Variants in LNX2 observed in about 807,000 individuals in gnomAD.
LNX2 encodes ligand of numb-protein X 2.
LNX2 carries 35 observed loss-of-function variants against 66.2 expected under a neutral mutation model. The ratio of observed to expected loss-of-function variants is 0.53; its 90% confidence interval spans 0.40 to 0.70. The LOEUF (loss-of-function observed/expected upper bound fraction) is 0.70, where lower values mean the gene tolerates loss of function less well. LNX2 is among the 30% of genes least tolerant of loss of function. The probability of loss-of-function intolerance (pLI) is 0.00; values close to 1 mark genes in which losing one functional copy is unlikely to be tolerated. For missense variants in LNX2, 791 were observed against 850.8 expected, an observed-to-expected ratio of 0.93 and a Z score of 0.87; for synonymous variants, 337 against 315.6, an observed-to-expected ratio of 1.07 and a Z score of -0.72.
intron 9 of LNX2, 142 bp from the exon 10 acceptor site, chr13:27,548,612 G>A: frequency 2.2e-6 from 2 of 927,406 alleles, no homozygotes; most frequent in Admixed American, 3.0e-5. Context: ...TACTTTGTCT[G>A]GGACAGCCCT....
chr13:27,581,192 T>C, intron 2 of LNX2, 105 bp downstream of exon 2: 1 of 797,296 alleles, frequency 1.3e-6, no homozygotes, highest in Non-Finnish European at 1.9e-6. Context: ...TTCACCCATT[T>C]ACTTACTAGT....
At chr13:27,573,737 T>C (rs192027962) in intron 2 of LNX2, among the ~76,000 whole-genome samples, 1 of 152,182 alleles carries the variant, frequency 6.6e-6, no homozygotes, top group East Asian at 1.9e-4. Context: ...GTACACAAAA[T>C]GAGCAGAGAC....
chr13:27,615,756 AAG>A (rs1449421859), intron 1 of LNX2, among the ~76,000 whole-genome samples: 1 of 152,192 alleles, frequency 6.6e-6, no homozygotes, highest in Non-Finnish European at 1.5e-5. Flanking sequence ...GCTTAATCAT[AAG>A]CCATCAATGT....
chr13:27,620,569 C>T (rs1955892278), upstream of LNX2, among the ~76,000 whole-genome samples: 1 of 152,162 alleles, frequency 6.6e-6, no homozygotes. Flanking sequence ...ACTTCTCAAC[C>T]GCCCCTGCTG....
At chr13:27,616,404 AGTCTATGTTAATGTTAAT>A (rs1955827689) in intron 1 of LNX2, among the ~76,000 whole-genome samples, 1 of 152,078 alleles carries the variant, frequency 6.6e-6, no homozygotes, top group African/African-American at 2.4e-5. Flanking sequence ...TCGGACTTAA[AGTCTATGTTAATGTTAAT>A]GTCAGAGAGG....
chr13:27,580,559 CAA>C (rs1346347427), intron 2 of LNX2, among the ~76,000 whole-genome samples: 3 of 152,072 alleles, frequency 2.0e-5, no homozygotes, highest in Non-Finnish European at 4.4e-5. Context: ...AGTTAAAGAT[CAA>C]GTCTTTTAGC....
chr13:27,550,309 A>G (rs1303727340), intron 9 of LNX2, 24 bp downstream of exon 9: 1 of 1,601,820 alleles, frequency 6.2e-7, no homozygotes. Flanking sequence ...CATGAATCAC[A>G]TCATTAATTA....
At position 27,562,491 on chromosome 13, in the gene LNX2, G is replaced by A. The variant is rs146490001; in HGVS notation, c.1146C>T (p.Ser382=). 112 of 1,614,030 alleles carry A rather than the reference G, an allele frequency of 6.9e-5. No homozygotes were observed. The highest frequency in any genetic ancestry group is 9.1e-5 in the Non-Finnish European group (107 of 1,180,034). The part of the protein sequence containing the change: ...GGLAAQDGRL[S]SNDRVLAING... The stretch of plus-strand genomic sequence containing the variant: ...TGATGGCCAGCACTCGGTCATTGCT[G>A]CTTAGCCTGCCGTCCTGGGCAGCCA... Residue 382 remains serine (S), a synonymous_variant, in exon 5 of 10, where the codon AGC becomes AGT. Coordinates refer to ENST00000316334, the MANE Select transcript of LNX2 (RefSeq NM_153371.4).
rs960007735 is a variant in LNX2 at position 27,600,113 on chromosome 13, G to C, written c.-100-18310C>G. 1.8e-4 allele frequency among the ~76,000 whole-genome samples: 27 copies of C among 152,140 alleles called. 1 individual carries two copies. The highest frequency in any genetic ancestry group is 1.2e-4 in the Non-Finnish European group (8 of 68,032). On this transcript the variant is annotated intron_variant, in intron 1 of 9. Transcript: ENST00000316334. ...TGTGTTGGTTATCTGCTGCATGCCA[G>C]GCACTGCACCAGAGGATAGGGTTAC...
intron 1 of LNX2, among the ~76,000 whole-genome samples, chr13:27,593,878 G>A (rs767029043): frequency 2.6e-5 from 4 of 151,576 alleles, no homozygotes; most frequent in African/African-American, 9.7e-5. Context: ...TTACAGGTGT[G>A]AGCCACCACG....
intron 1 of LNX2, among the ~76,000 whole-genome samples, chr13:27,596,727 T>A (rs1023877424): frequency 6.6e-6 from 1 of 152,202 alleles, no homozygotes; most frequent in Non-Finnish European, 1.5e-5. Context: ...TGCACATGAT[T>A]TATGAAAATA....
At chr13:27,591,714 T>C (rs966399867) in intron 1 of LNX2, among the ~76,000 whole-genome samples, 1 of 152,106 alleles carries the variant, frequency 6.6e-6, no homozygotes, top group Non-Finnish European at 1.5e-5. Flanking sequence ...CTTGTGAAGT[T>C]AACAGGGGGA....
intron 2 of LNX2, among the ~76,000 whole-genome samples, chr13:27,576,428 G>A (rs544473727): frequency 6.6e-6 from 1 of 152,180 alleles, no homozygotes; most frequent in Admixed American, 6.5e-5. Context: ...TTTAAAAAAG[G>A]CCTCAAGGCT....
intron 7 of LNX2, 71 bp from the exon 8 acceptor site, chr13:27,553,510 A>T: frequency 8.6e-7 from 1 of 1,168,512 alleles, no homozygotes; most frequent in Non-Finnish European, 1.3e-6. Flanking sequence ...TGTTGTTTAT[A>T]AACTAAGCAA....
chr13:27,585,749 C>A (rs1955477943), intron 1 of LNX2, among the ~76,000 whole-genome samples: 1 of 151,750 alleles, frequency 6.6e-6, no homozygotes, highest in South Asian at 2.1e-4. Context: ...TTTTTTACCC[C>A]TCTTTGTGAT....
chr13:27,596,516 A>C (rs1232881649), intron 1 of LNX2, among the ~76,000 whole-genome samples: 1 of 152,220 alleles, frequency 6.6e-6, no homozygotes, highest in Non-Finnish European at 1.5e-5. Context: ...ATGTATGTTA[A>C]ACATACACAT....
At chr13:27,600,704 G>C (rs530802098) in intron 1 of LNX2, among the ~76,000 whole-genome samples, 3 of 152,272 alleles carry the variant, frequency 2.0e-5, no homozygotes, top group African/African-American at 7.2e-5. Context: ...GTGGCAGCTA[G>C]TTCCCAGCAG....
rs1376181261 is a variant in LNX2 at position 27,546,983 on chromosome 13, C to A, written c.*1352G>T. Reference sequence around the variant, plus strand: ...AAAGATACATCTAAAACCTACATTTCCAACAAAACAGAACTTTTCTGTCTC... The same window carrying A: ...AAAGATACATCTAAAACCTACATTTACAACAAAACAGAACTTTTCTGTCTC... On this transcript the variant is annotated 3_prime_UTR_variant, in exon 10 of 10. Coordinates refer to ENST00000316334, the MANE Select transcript of LNX2 (RefSeq NM_153371.4). The A allele has an allele frequency of 6.6e-6, 1 of 152,082 alleles. No individual in the cohort carries two copies. Among genetic ancestry groups the A allele is most frequent in the Admixed American group, 6.6e-5 (1 of 15,262 alleles). The allele number at this position is 152,082 out of a possible 1,614,324, so 9.4% of individuals were successfully genotyped here.
chr13:27,548,731 A>G (rs1954972314), intron 9 of LNX2, among the ~76,000 whole-genome samples: 1 of 152,192 alleles, frequency 6.6e-6, no homozygotes, highest in Non-Finnish European at 1.5e-5. Context: ...ACACTAATTT[A>G]AGCAAAATAT....
Sources: gnomAD v4.1 joint callset for allele counts (sites outside exome capture counted in the v4.1 genomes callset) on GRCh38, gnomAD v4.1.1 for gene constraint, MANE v1.5 for transcripts, NCBI Gene and HGNC (gene_info 2026-07-23, HGNC 2026-07-21) for gene names.